Variants in HAUS5 observed in about 807,000 individuals in gnomAD.
HAUS5 encodes HAUS augmin like complex subunit 5, also known as HAUS augmin-like complex subunit 5.
Under a neutral mutation model 94.1 loss-of-function variants are expected in HAUS5, and 67 were observed. The ratio of observed to expected loss-of-function variants is 0.71; its 90% CI spans 0.58 to 0.87. The LOEUF is 0.87. Among genes scored for constraint, HAUS5 ranks in the 40% least tolerant of loss-of-function variants. The pLI, the probability that HAUS5 is intolerant of heterozygous loss-of-function variation, is 0.00. For missense variants in HAUS5, 739 were observed against 825.6 expected (o/e 0.90, Z 1.29); for synonymous variants, 339 against 355.4 (o/e 0.95, Z 0.52).
chr19:35,622,618 G>T lies in HAUS5; in HGVS notation c.1669G>T (p.Ala557Ser). ...ACCCTCAGAGCTGCTGCAGATCCAG[G>T]CATCCCAGGAAAAACAGCAGAAAGA... ...LPTQELLQIQ[A>S]SQEKQQKENL... Residue 557 changes from alanine to serine, a missense_variant, in exon 18 of 19, where the codon GCA (alanine) becomes TCA (serine). Coordinates refer to ENST00000203166, the MANE Select transcript of HAUS5 (RefSeq NM_015302.2). 2 of 1,613,928 alleles carry T rather than the reference G, an allele frequency of 1.2e-6. No homozygotes were observed. The highest frequency in any genetic ancestry group is 1.7e-6 in the Non-Finnish European group (2 of 1,179,978).
At chr19:35,622,211 G>A (rs1268745233) in intron 17 of HAUS5, among the ~76,000 whole-genome samples, 1 of 152,054 alleles carries the variant, frequency 6.6e-6, no homozygotes, top group African/African-American at 2.4e-5. Flanking sequence ...GAAGATCACT[G>A]TGGTGTAGTG....
chr19:35,615,230 C>T lies in HAUS5; in HGVS notation c.329C>T (p.Thr110Met), dbSNP rs781331841. The T allele has an allele frequency of 2.5e-6, 4 of 1,613,834 alleles. No individual in the cohort carries two copies. Among genetic ancestry groups the T allele is most frequent in the East Asian group, 2.2e-5 (1 of 44,872 alleles). Residue 110 changes from threonine to methionine, a missense_variant, in exon 6 of 19, where the codon ACG becomes ATG. Thr to Met is a moderately conservative substitution (Grantham distance 81). Coordinates refer to ENST00000203166, the MANE Select transcript of HAUS5 (RefSeq NM_015302.2). ...LMERDTEAQDTAMEQARQHTQ... is the reference protein window; with the variant it reads ...LMERDTEAQDMAMEQARQHTQ... ...GCCACCCCTGTTCCTCCCACAGACA[C>T]GGCCATGGAGCAGGCACGTCAGCAC... is the stretch of plus-strand genomic sequence containing the variant.
At position 35,612,770 on chromosome 19, in the gene HAUS5, G is replaced by A; in HGVS notation, c.-25G>A. The A allele has an allele frequency of 6.6e-7, 1 of 1,526,546 alleles. No individual in the cohort carries two copies. Among genetic ancestry groups the A allele is most frequent in the Non-Finnish European group, 8.8e-7 (1 of 1,132,420 alleles). The allele number at this position is 1,526,546 out of a possible 1,614,324, so 94.6% of individuals were successfully genotyped here. Reference sequence around the variant, plus strand: ...GCCACACTTGAAGAGGCTGAGGGAGGCGGTGTCGCCGCCGCGGCGCTGTCA... The same window carrying A: ...GCCACACTTGAAGAGGCTGAGGGAGACGGTGTCGCCGCCGCGGCGCTGTCA... On this transcript the variant is annotated 5_prime_UTR_variant, in exon 1 of 19. Coordinates refer to ENST00000203166, the MANE Select transcript of HAUS5 (RefSeq NM_015302.2).
intron 17 of HAUS5, among the ~76,000 whole-genome samples, chr19:35,622,299 G>A (rs904285017): frequency 6.6e-6 from 1 of 151,742 alleles, no homozygotes; most frequent in Non-Finnish European, 1.5e-5. Context: ...GAGCGGACAG[G>A]CCATGGAGAT....
In HAUS5 at chr19:35,613,908, CT is replaced by C. The variant is rs1568326859; in HGVS notation, c.194+10del. 2 of 1,613,870 alleles carry C rather than the reference CT, an allele frequency of 1.2e-6. No individual in the cohort carries two copies. Among genetic ancestry groups the C allele is most frequent in the Admixed American group, 3.3e-5 (2 of 60,012 alleles). ...CCGGGGAAACCTACTCTGGTAACTG[CT>C]TCTTAAAGCTATCCCCTCCTGTCTT... is the stretch of plus-strand genomic sequence containing the variant. On this transcript the variant is annotated intron_variant, in intron 3 of 18. Transcript: ENST00000203166.
chr19:35,619,890 G>C, intron 15 of HAUS5, 122 bp from the exon 16 acceptor site: 1 of 1,525,688 alleles, frequency 6.6e-7, no homozygotes, highest in South Asian at 1.3e-5. Flanking sequence ...CCTTGGGTCA[G>C]CAGCCCTGGT....
chr19:35,621,008 C>CT (rs1389924192), intron 17 of HAUS5, among the ~76,000 whole-genome samples: 1 of 152,234 alleles, frequency 6.6e-6, no homozygotes, highest in Non-Finnish European at 1.5e-5. Flanking sequence ...TCACCAAATA[C>CT]TGGGTGTCTA....
intron 4 of HAUS5, 140 bp from the exon 5 acceptor site, chr19:35,614,902 A>G (rs1476393627): frequency 1.6e-6 from 1 of 621,186 alleles, no homozygotes; most frequent in Middle Eastern, 3.8e-4. Flanking sequence ...GAGGGAGCCA[A>G]TACCCTAATG....
intron 14 of HAUS5, 29 bp from the exon 15 acceptor site, chr19:35,619,584 G>GCGCCCCCCCCCCCCC: frequency 2.0e-6 from 3 of 1,533,854 alleles, no homozygotes; most frequent in Non-Finnish European, 2.7e-6. Context: ...ATGTTGTGAT[G>GCGCCCCCCCCCCCCC]CCCCACCCAC....
intron 14 of HAUS5, 29 bp from the exon 15 acceptor site, chr19:35,619,584 G>GGC: frequency 4.5e-5 from 69 of 1,533,630 alleles, no homozygotes; most frequent in Middle Eastern, 1.8e-4. Flanking sequence ...ATGTTGTGAT[G>GGC]CCCCACCCAC....
Position 35,619,778 on chromosome 19 carries a change from ACCCCTGCCCTGCAT to A in HAUS5, c.1406+29_1406+42del, listed in dbSNP as rs754480812. 1 of 1,523,308 alleles carries A rather than the reference ACCCCTGCCCTGCAT, an allele frequency of 6.6e-7. No homozygotes were observed. 94.4% of individuals were successfully genotyped at this position (1,523,308 alleles called of 1,614,324 possible). Reference sequence around the variant, plus strand: ...GGGAGAGTGAGACTGGGGCTGCCCCACCCCTGCCCTGCATCCCCTGCCATGGGTGACTGTCACTC... The same window carrying A: ...GGGAGAGTGAGACTGGGGCTGCCCCACCCCTGCCATGGGTGACTGTCACTC... On this transcript the variant is annotated intron_variant, in intron 15 of 18. Transcript: ENST00000203166.
In HAUS5 at chr19:35,618,005, TC is replaced by T. The variant is rs1967126887; in HGVS notation, c.697-63del. ...ACCTAACTCTTGATGACAGCCCTAT[TC>T]CCATGGGGTCTCAGCTCACAGCCCT... On this transcript the variant is annotated intron_variant, in intron 9 of 18. Transcript: ENST00000203166. 3 of 1,598,768 alleles carry T rather than the reference TC, an allele frequency of 1.9e-6. No individual in the cohort carries two copies. The East Asian group carries it at 6.7e-5, about 36-fold the overall frequency.
chr19:35,619,216 T>G (rs1967162782), intron 13 of HAUS5, among the ~76,000 whole-genome samples, 167 bp downstream of exon 13: 1 of 151,732 alleles, frequency 6.6e-6, no homozygotes, highest in African/African-American at 2.4e-5. Flanking sequence ...TGAAGTGAGG[T>G]ATGATCACAC....
intron 1 of HAUS5, 104 bp downstream of exon 1, chr19:35,612,996 T>C (rs1280587548): frequency 1.2e-6 from 1 of 841,152 alleles, no homozygotes; most frequent in African/African-American, 1.8e-5. Flanking sequence ...CAATTCCCCA[T>C]CGAGAGTGAC....
At chr19:35,622,429 C>T (rs1247717176) in intron 17 of HAUS5, among the ~76,000 whole-genome samples, 172 bp from the exon 18 acceptor site, 1 of 151,268 alleles carries the variant, frequency 6.6e-6, no homozygotes, top group Non-Finnish European at 1.5e-5. Context: ...ATCTCAAGGG[C>T]AGTCCCTCAG....
In HAUS5 at chr19:35,623,146, C is replaced by G; in HGVS notation, c.*153C>G. The G allele has an allele frequency of 1.6e-6, 1 of 618,918 alleles. No individual in the cohort carries two copies. Among genetic ancestry groups the G allele is most frequent in the Non-Finnish European group, 2.9e-6 (1 of 349,374 alleles). 38.3% of individuals were successfully genotyped at this position (618,918 alleles called of 1,614,324 possible). A position where few individuals can be genotyped will look rare whatever the true frequency, so the allele number is the denominator to read the frequency against. ...CCTCATGTGCTGTTCTGCTGCCCCA[C>G]TCAGCTCCTGGACCCTGTCCTTTCA... On this transcript the variant is annotated 3_prime_UTR_variant, in exon 19 of 19. Coordinates refer to ENST00000203166, the MANE Select transcript of HAUS5 (RefSeq NM_015302.2).
intron 9 of HAUS5, 57 bp downstream of exon 9, chr19:35,617,969 A>T: frequency 6.2e-7 from 1 of 1,608,878 alleles, no homozygotes. Flanking sequence ...ATCAAAACTT[A>T]GGGTGCCAGG....
At chr19:35,620,362 G>T in intron 17 of HAUS5, 35 bp downstream of exon 17, 1 of 1,593,892 alleles carries the variant, frequency 6.3e-7, no homozygotes. Context: ...CAGCCTCCCC[G>T]CCCATTCCCA....
chr19:35,619,584 G>GCGCCCCCCCCCCCCCCCCCAC, intron 14 of HAUS5, 29 bp from the exon 15 acceptor site: 1 of 1,533,894 alleles, frequency 6.5e-7, no homozygotes, highest in Non-Finnish European at 8.9e-7. Context: ...ATGTTGTGAT[G>GCGCCCCCCCCCCCCCCCCCAC]CCCCACCCAC....
Sources: gnomAD v4.1 joint callset for allele counts (sites outside exome capture counted in the v4.1 genomes callset) on GRCh38, gnomAD v4.1.1 for gene constraint, MANE v1.5 for transcripts, NCBI Gene and HGNC (gene_info 2026-07-23, HGNC 2026-07-21) for gene names.